Variants in MTMR3 observed in about 807,000 individuals in gnomAD.
MTMR3 encodes the protein myotubularin related protein 3, also known as phosphatidylinositol-3,5-bisphosphate 3-phosphatase MTMR3.
A neutral mutation model predicts 132.4 loss-of-function variants in MTMR3; 32 were observed. That is an observed-to-expected ratio of 0.24 (90% CI 0.18 to 0.32). MTMR3 has a LOEUF of 0.32. Ranked by LOEUF, MTMR3 falls within the 10% of genes least tolerant of loss-of-function variation. The probability of loss-of-function intolerance (pLI) is 1.00; values close to 1 mark genes in which losing one functional copy is unlikely to be tolerated. For synonymous variants in MTMR3, 556 were observed against 550.3 expected (o/e 1.01, Z -0.14); for missense variants, 1,216 against 1,489.6 (o/e 0.82, Z 3.02).
rs533138514 is a variant in MTMR3 at position 29,998,795 on chromosome 22, G to A, written c.495G>A (p.Val165=). Residue 165 remains valine, a synonymous_variant, in exon 8 of 20, where the codon GTG becomes GTA. Transcript: ENST00000401950. ...TAACTTCAAGGTTTAAAAACGAGGT[G>A]GAGAGGATGGGTTTTGATATGAACA... ...EHVTSRFKNE[V]ERMGFDMNNA... is the part of the protein sequence containing the mutation. 5 of 1,613,130 alleles carry A rather than the reference G, an allele frequency of 3.1e-6. No individual in the cohort carries two copies. The East Asian group carries it at 6.7e-5, about 22-fold the overall frequency.
At chr22:29,929,174 G>C (rs536550170) in intron 1 of MTMR3, among the ~76,000 whole-genome samples, 18 of 152,058 alleles carry the variant, frequency 1.2e-4, no homozygotes, top group African/African-American at 3.6e-4. Flanking sequence ...CCAGCTACTC[G>C]GGAGGCTAAG....
intron 1 of MTMR3, among the ~76,000 whole-genome samples, chr22:29,927,939 GTTTTTTTT>G (rs764629136): frequency 2.8e-5 from 3 of 107,382 alleles, no homozygotes; most frequent in East Asian, 2.9e-4. Flanking sequence ...TCTAGCCTTT[GTTTTTTTT>G]TTTTTTTTTT....
chr22:29,955,816 A>G (rs2145841561), intron 1 of MTMR3, among the ~76,000 whole-genome samples: 1 of 152,258 alleles, frequency 6.6e-6, no homozygotes, highest in Non-Finnish European at 1.5e-5. Flanking sequence ...CAGTGGCGCA[A>G]TCTCAGCTCA....
In MTMR3 at chr22:29,942,404, AC is replaced by A. The variant is rs1434075613; in HGVS notation, c.-137-14630del. ...CAGGGCGAGATCACAGGACCACAGG[AC>A]CGGGGCAAAATTAAAATTGCTAATG... On this transcript the variant is annotated intron_variant, in intron 1 of 19. Coordinates refer to ENST00000401950, the MANE Select transcript of MTMR3 (RefSeq NM_021090.4). Among the ~76,000 whole-genome samples the A allele has an allele frequency of 3.9e-5, 6 of 152,312 alleles. No homozygotes were observed. The South Asian group carries it at 8.3e-4, about 21-fold the overall frequency.
chr22:29,894,262 C>A (rs558933834), intron 1 of MTMR3, among the ~76,000 whole-genome samples: 41 of 152,166 alleles, frequency 2.7e-4, no homozygotes, highest in African/African-American at 9.6e-4. Context: ...GGAGTGGCAG[C>A]GGTAGGAAGT....
At chr22:30,003,821 GTCCT>G (rs1420784046) in intron 9 of MTMR3, 1 of 152,098 alleles carries the variant, frequency 6.6e-6, no homozygotes, top group African/African-American at 2.4e-5. Flanking sequence ...TTTTAAAGAA[GTCCT>G]TCCTTCTTAT....
chr22:29,966,983 A>G (rs117019196), intron 2 of MTMR3, among the ~76,000 whole-genome samples: 1 of 152,010 alleles, frequency 6.6e-6, no homozygotes, highest in Non-Finnish European at 1.5e-5. Context: ...GATGTTTCAG[A>G]ATCAAATTGT....
In MTMR3 at chr22:29,906,286, GTCTA is replaced by G. The variant is rs369642536; in HGVS notation, c.-138+22971_-138+22974del. Among the ~76,000 whole-genome samples, 450 of 74,492 alleles carry G rather than the reference GTCTA, an allele frequency of 6.0e-3. 2 individuals carry two copies. Among genetic ancestry groups the G allele is most frequent in the Non-Finnish European group, 0.01 (335 of 32,768 alleles). The allele number at this position is 74,492 out of a possible 152,430, so 48.9% of individuals were successfully genotyped here. A position where few individuals can be genotyped will look rare whatever the true frequency, so the allele number is the denominator to read the frequency against. ...TGTCTGTCTGTCTGTCTGTCTGTCT[GTCTA>G]TCTATCTATCTATCTATCTATCTAT... On this transcript the variant is annotated intron_variant, in intron 1 of 19. Coordinates refer to ENST00000401950, the MANE Select transcript of MTMR3 (RefSeq NM_021090.4).
At chr22:29,888,022 G>GA (rs1555891048) in intron 1 of MTMR3, among the ~76,000 whole-genome samples, 1 of 143,098 alleles carries the variant, frequency 7.0e-6, no homozygotes, top group African/African-American at 2.5e-5. Flanking sequence ...GTTTTGTTTT[G>GA]TTTTTTTTTT....
At chr22:29,946,717 G>C (rs915595446) in intron 1 of MTMR3, among the ~76,000 whole-genome samples, 1 of 149,964 alleles carries the variant, frequency 6.7e-6, no homozygotes, top group Non-Finnish European at 1.5e-5. Context: ...GCATCTTAAA[G>C]ACAATGGCAT....
At chr22:29,941,037 CAT>C (rs1363623489) in intron 1 of MTMR3, among the ~76,000 whole-genome samples, 1 of 150,146 alleles carries the variant, frequency 6.7e-6, no homozygotes, top group Non-Finnish European at 1.5e-5. Context: ...TTTTACATCA[CAT>C]GAGAAAGTTC....
intron 3 of MTMR3, among the ~76,000 whole-genome samples, chr22:29,976,203 C>G (rs1381341820): frequency 8.6e-5 from 13 of 150,796 alleles, no homozygotes; most frequent in Admixed American, 8.6e-4. Context: ...CTATAAAGTT[C>G]ATGGTGGGAG....
At chr22:29,991,294 G>T in intron 6 of MTMR3, 1 of 414,532 alleles carries the variant, frequency 2.4e-6, no homozygotes, top group Non-Finnish European at 4.2e-6. Context: ...CCAATGGTCA[G>T]CTTCCTCCTT....
intron 2 of MTMR3, among the ~76,000 whole-genome samples, chr22:29,957,386 A>C (rs1398621445): frequency 6.6e-6 from 1 of 151,572 alleles, no homozygotes; most frequent in Non-Finnish European, 1.5e-5. Context: ...TCATTTGTCT[A>C]AAATAAATAG....
chr22:29,999,143 C>T (rs984632671), intron 8 of MTMR3: 1 of 182,048 alleles, frequency 5.5e-6, no homozygotes, highest in South Asian at 1.6e-4. Context: ...TTGTATTTGC[C>T]TGTAGGCAGG....
chr22:29,939,352 G>A (rs1441205252), intron 1 of MTMR3, among the ~76,000 whole-genome samples: 1 of 152,140 alleles, frequency 6.6e-6, no homozygotes, highest in Non-Finnish European at 1.5e-5. Context: ...GGACTTTGTT[G>A]GAGCTGATAG....
At chr22:29,884,259 C>CAAACAAAACA (rs3049965) in intron 1 of MTMR3, among the ~76,000 whole-genome samples, 7 of 151,666 alleles carry the variant, frequency 4.6e-5, no homozygotes, top group Non-Finnish European at 7.4e-5. Flanking sequence ...ACAACCCAAA[C>CAAACAAAACA]AAACAAAACA....
intron 1 of MTMR3, among the ~76,000 whole-genome samples, chr22:29,897,815 G>A (rs757892482): frequency 6.6e-6 from 1 of 151,986 alleles, no homozygotes; most frequent in African/African-American, 2.4e-5. Flanking sequence ...CTCTTAGATC[G>A]TATTTTCGTA....
chr22:29,958,365 C>G (rs1158943837), intron 2 of MTMR3, among the ~76,000 whole-genome samples: 1 of 152,126 alleles, frequency 6.6e-6, no homozygotes, highest in Admixed American at 6.5e-5. Flanking sequence ...TGTTGCCTTG[C>G]TATTGCCTCT....
Sources: allele counts gnomAD v4.1 joint callset (sites outside exome capture counted in the v4.1 genomes callset), GRCh38; gene constraint gnomAD v4.1.1; transcripts MANE v1.5; gene names NCBI Gene and HGNC (gene_info 2026-07-23, HGNC 2026-07-21).